VAV3: variants seen among roughly 807,000 people sequenced by gnomAD.
VAV3 encodes the protein vav guanine nucleotide exchange factor 3.
VAV3 carries 94 observed loss-of-function variants against 131.2 expected under a neutral mutation model. The observed-to-expected ratio is 0.72, with a 90% CI of 0.61 to 0.85. The LOEUF (loss-of-function observed/expected upper bound fraction) is 0.85, where lower values mean the gene tolerates loss of function less well. Ranked by LOEUF, VAV3 falls within the 40% of genes least tolerant of loss-of-function variation. The pLI is 0.00. For missense variants in VAV3, 939 were observed against 1,002.7 expected (o/e 0.94, Z 0.86); for synonymous variants, 349 against 342.0 (o/e 1.02, Z -0.22).
At chr1:107,819,399 C>A (rs1399974553) in intron 2 of VAV3, among the ~76,000 whole-genome samples, 1 of 151,610 alleles carries the variant, frequency 6.6e-6, no homozygotes, top group Non-Finnish European at 1.5e-5. Context: ...GAGACAGGCA[C>A]AGTGGCTTGA....
chr1:107,819,758 A>T (rs1239117816), intron 2 of VAV3, among the ~76,000 whole-genome samples: 1 of 152,160 alleles, frequency 6.6e-6, no homozygotes, highest in Non-Finnish European at 1.5e-5. Flanking sequence ...AGGAAGTATG[A>T]TGATTGTGGG....
chr1:107,683,171 GT>G lies in VAV3; in HGVS notation c.1777+316del, dbSNP rs572066280. ...TTTTTAAGTGGCAGCTAGCTGGCTG[GT>G]TTTCTTACTAGATTTACAAAGGAAC... is the stretch of plus-strand genomic sequence containing the variant. On this transcript the variant is annotated intron_variant, in intron 19 of 26. Coordinates refer to ENST00000370056, the MANE Select transcript of VAV3 (RefSeq NM_006113.5). 1.2e-3 allele frequency among the ~76,000 whole-genome samples: 181 copies of G among 152,296 alleles called. 2 individuals carry two copies. Among genetic ancestry groups the G allele is most frequent in the Admixed American group, 5.4e-3 (83 of 15,298 alleles).
chr1:107,865,786 C>G (rs1669957445), intron 2 of VAV3, among the ~76,000 whole-genome samples: 1 of 152,182 alleles, frequency 6.6e-6, no homozygotes, highest in African/African-American at 2.4e-5. Context: ...AATTATCACA[C>G]TGCCTCTCTA....
chr1:107,657,108 C>CTA (rs1656627683), intron 19 of VAV3, among the ~76,000 whole-genome samples: 1 of 152,032 alleles, frequency 6.6e-6, no homozygotes, highest in Admixed American at 6.6e-5. Flanking sequence ...GCATGCACCA[C>CTA]TACACCTGGC....
chr1:107,590,451 AT>A (rs1190062655), intron 25 of VAV3, among the ~76,000 whole-genome samples: 1 of 142,674 alleles, frequency 7.0e-6, no homozygotes, highest in Non-Finnish European at 1.6e-5. Flanking sequence ...AATTAAGCCT[AT>A]ATACAAATGC....
chr1:107,838,225 A>G (rs1668557443), intron 2 of VAV3, among the ~76,000 whole-genome samples: 1 of 152,218 alleles, frequency 6.6e-6, no homozygotes, highest in South Asian at 2.1e-4. Flanking sequence ...CAAAGCTCTA[A>G]TAGCCAGAAG....
intron 15 of VAV3, among the ~76,000 whole-genome samples, chr1:107,739,698 T>C (rs186746490): frequency 3.3e-5 from 5 of 152,354 alleles, no homozygotes; most frequent in African/African-American, 4.8e-5. Context: ...AGACAGTTTA[T>C]AGACATATTT....
At chr1:107,788,069 C>T (rs779705573) in intron 2 of VAV3, among the ~76,000 whole-genome samples, 5 of 152,068 alleles carry the variant, frequency 3.3e-5, no homozygotes, top group Non-Finnish European at 7.4e-5. Flanking sequence ...AGATCCAATC[C>T]CTTCTCTCCT....
chr1:107,812,399 A>G (rs1179684766), intron 2 of VAV3, among the ~76,000 whole-genome samples: 1 of 152,150 alleles, frequency 6.6e-6, no homozygotes, highest in Admixed American at 6.5e-5. Flanking sequence ...CGTTTTCATT[A>G]CCTAAAAAAC....
chr1:107,664,824 T>C (rs1438101988), intron 19 of VAV3, among the ~76,000 whole-genome samples: 1 of 152,126 alleles, frequency 6.6e-6, no homozygotes, highest in Non-Finnish European at 1.5e-5. Context: ...TTTAGATGGA[T>C]GAATGATAGA....
At chr1:107,871,913 A>G (rs2101012242) in intron 2 of VAV3, among the ~76,000 whole-genome samples, 1 of 152,318 alleles carries the variant, frequency 6.6e-6, no homozygotes, top group African/African-American at 2.4e-5. Context: ...TTTAGAGTAA[A>G]CAACTTTAAC....
intron 2 of VAV3, among the ~76,000 whole-genome samples, chr1:107,835,955 G>A (rs930498001): frequency 6.6e-6 from 1 of 152,180 alleles, no homozygotes; most frequent in Non-Finnish European, 1.5e-5. Context: ...AGCCCATTAG[G>A]ACATTCCTTA....
intron 13 of VAV3, among the ~76,000 whole-genome samples, chr1:107,750,670 C>T (rs568023371): frequency 2.0e-4 from 30 of 152,288 alleles, no homozygotes; most frequent in East Asian, 7.7e-4. Flanking sequence ...TTAAGGACTC[C>T]GGGCCAAGCT....
chr1:107,926,254 C>T (rs1022269525), intron 1 of VAV3, among the ~76,000 whole-genome samples: 1 of 151,998 alleles, frequency 6.6e-6, no homozygotes. Context: ...GCACTCCAGT[C>T]TGGGTGGCAG....
intron 10 of VAV3, among the ~76,000 whole-genome samples, chr1:107,759,011 C>T (rs1664270322): frequency 6.6e-6 from 1 of 152,176 alleles, no homozygotes. Context: ...TGACAGAGGC[C>T]TCTACTCAGG....
chr1:107,857,736 G>A (rs542640449), intron 2 of VAV3, among the ~76,000 whole-genome samples: 1 of 152,272 alleles, frequency 6.6e-6, no homozygotes, highest in African/African-American at 2.4e-5. Context: ...GTTATCGACT[G>A]ACTGTGCCTG....
At position 107,878,229 on chromosome 1, in the gene VAV3, C is replaced by A. The variant is rs139785386; in HGVS notation, c.205-3212G>T. ...TGACTCCTAAATACTCTGACTCTAC[C>A]TGCAACTCCCAGGAATAAGGACATT... On this transcript the variant is annotated intron_variant, in intron 1 of 26. Transcript: ENST00000370056. Among the ~76,000 whole-genome samples, 625 of 152,176 alleles carry A rather than the reference C, an allele frequency of 4.1e-3. 5 individuals carry two copies. The highest frequency in any genetic ancestry group is 0.014 in the African/African-American group (587 of 41,522).
chr1:107,736,493 AAGCAACTTC>A (rs1330756473), intron 15 of VAV3, among the ~76,000 whole-genome samples: 1 of 152,256 alleles, frequency 6.6e-6, no homozygotes, highest in Non-Finnish European at 1.5e-5. Context: ...TTAAGATGAT[AAGCAACTTC>A]AGCAAAGTCT....
chr1:107,646,997 C>A (rs912036258), intron 19 of VAV3, among the ~76,000 whole-genome samples: 1 of 151,206 alleles, frequency 6.6e-6, no homozygotes, highest in East Asian at 1.9e-4. Context: ...TAAGTAGAAC[C>A]CTATTAGAAA....
Sources: allele counts gnomAD v4.1 joint callset (sites outside exome capture counted in the v4.1 genomes callset), GRCh38; gene constraint gnomAD v4.1.1; transcripts MANE v1.5; gene names NCBI Gene and HGNC (gene_info 2026-07-23, HGNC 2026-07-21).